The following RNF19B variants were observed in gnomAD, a reference collection of about 807,000 sequenced individuals.
RNF19B encodes the protein E3 ubiquitin-protein ligase RNF19B.
A neutral mutation model predicts 65.5 loss-of-function variants in RNF19B; 23 were observed. The ratio of observed to expected loss-of-function variants is 0.35; its 90% CI spans 0.25 to 0.50. The LOEUF (loss-of-function observed/expected upper bound fraction) is 0.50, where lower values mean the gene tolerates loss of function less well. Ranked by LOEUF, RNF19B falls within the 20% of genes least tolerant of loss-of-function variation. RNF19B has a pLI of 0.98. For missense variants in RNF19B, 794 were observed against 980.0 expected (o/e 0.81, Z 2.53); for synonymous variants, 372 against 379.6 (o/e 0.98, Z 0.23).
At chr1:32,961,584 G>A (rs916238433) in intron 1 of RNF19B, among the ~76,000 whole-genome samples, 18 of 152,088 alleles carry the variant, frequency 1.2e-4, no homozygotes, top group African/African-American at 4.3e-4. Context: ...TGAGAGGCCA[G>A]CTTTCTTCTT....
chr1:32,934,153 AG>A (rs1473417044), downstream of RNF19B, among the ~76,000 whole-genome samples: 1 of 152,212 alleles, frequency 6.6e-6, no homozygotes, highest in African/African-American at 2.4e-5. Context: ...TTCCTGTCCT[AG>A]GTGCAGGGAA....
intron 1 of RNF19B, among the ~76,000 whole-genome samples, chr1:32,951,957 GC>G (rs1423840512): frequency 7.0e-4 from 99 of 141,024 alleles, no homozygotes; most frequent in African/African-American, 2.5e-3. Flanking sequence ...ACCACGCCCG[GC>G]TTTTTTTTTT....
In RNF19B at chr1:32,964,251, G is replaced by A; in HGVS notation, c.435C>T (p.Cys145=). Residue 145 remains cysteine (C), a synonymous_variant, in exon 1 of 9, where the codon TGC becomes TGT. Transcript: ENST00000235150. The surrounding 1 kb of genome is among the most constrained non-coding windows in gnomAD (Gnocchi z 6.5). ...TCTCCAGGCGCAGGTAGTGGCGGAG[G>A]CAGTCCCGGCACGAGCGGTGCGGAC... The part of the protein sequence containing the change: ...LSCPHRSCRD[C]LRHYLRLEIS... 1.9e-6 allele frequency: 3 copies of A among 1,543,390 alleles called. No homozygotes were observed. Among genetic ancestry groups the A allele is most frequent in the Non-Finnish European group, 2.6e-6 (3 of 1,144,952 alleles).
intron 7 of RNF19B, among the ~76,000 whole-genome samples, chr1:32,939,827 T>C (rs1401860710): frequency 6.6e-6 from 1 of 152,252 alleles, no homozygotes; most frequent in African/African-American, 2.4e-5. Flanking sequence ...CTAGAACAGC[T>C]GGACTGGCTA....
intron 3 of RNF19B, among the ~76,000 whole-genome samples, chr1:32,946,968 A>G (rs1642380303): frequency 6.6e-6 from 1 of 152,198 alleles, no homozygotes; most frequent in Non-Finnish European, 1.5e-5. Flanking sequence ...TTCTTGGCAT[A>G]TGTCCTACCA....
the RNF19B span, among the ~76,000 whole-genome samples, chr1:32,929,266 G>T: frequency 6.6e-6 from 1 of 152,122 alleles, no homozygotes; most frequent in African/African-American, 2.4e-5. Context: ...TTTGTGTTCA[G>T]ATTTCCCCTT....
chr1:32,948,253 T>C lies in RNF19B; in HGVS notation c.952A>G (p.Met318Val), dbSNP rs759114944. Residue 318 changes from methionine to valine, a missense_variant, in exon 3 of 9, where the codon ATG becomes GTG. Transcript: ENST00000235150. ...TAATGCAAGTCTGAGATCTCTTTCA[T>C]ACAAAGCCAACAGAATTCACAGCCA... ...VCGCEFCWLCMKEISDLHYLS... is the reference protein window; with the variant it reads ...VCGCEFCWLCVKEISDLHYLS... 3.5e-5 allele frequency: 56 copies of C among 1,614,136 alleles called. No individual in the cohort carries two copies. Among genetic ancestry groups the C allele is most frequent in the Non-Finnish European group, 4.7e-5 (55 of 1,179,998 alleles).
rs1642102298 is a variant in RNF19B at position 32,936,573 on chromosome 1, A to C, written c.*233T>G. 9 of 452,156 alleles carry C rather than the reference A, an allele frequency of 2.0e-5. No individual in the cohort carries two copies. Among genetic ancestry groups the C allele is most frequent in the Non-Finnish European group, 3.1e-5 (8 of 255,554 alleles). 28.0% of individuals were successfully genotyped at this position (452,156 alleles called of 1,614,324 possible). On this transcript the variant is annotated 3_prime_UTR_variant, in exon 9 of 9. Coordinates refer to ENST00000235150, the MANE Select transcript of RNF19B (RefSeq NM_001300826.2). The stretch of plus-strand genomic sequence containing the variant: ...TGGATTGCTGCCATCAGTTTAACCA[A>C]TAAATTAAAACTAAAAAGAGGGAGG...
intron 1 of RNF19B, among the ~76,000 whole-genome samples, chr1:32,953,760 T>C (rs1642566761): frequency 6.6e-6 from 1 of 151,998 alleles, no homozygotes; most frequent in Non-Finnish European, 1.5e-5. Flanking sequence ...AGTTACTGGA[T>C]GACCTCAGAA....
At chr1:32,952,450 A>C (rs925438597) in intron 1 of RNF19B, among the ~76,000 whole-genome samples, 6 of 148,910 alleles carry the variant, frequency 4.0e-5, no homozygotes, top group East Asian at 1.9e-4. Context: ...AAAAAAAAAA[A>C]AAAAAAAAAC....
At chr1:32,945,880 A>G (rs900095364) in intron 4 of RNF19B, among the ~76,000 whole-genome samples, 1 of 147,998 alleles carries the variant, frequency 6.8e-6, no homozygotes, top group Non-Finnish European at 1.5e-5. Context: ...TTCTTCTTTT[A>G]TTTTTTTTTT....
chr1:32,964,422 G>C lies in RNF19B; in HGVS notation c.264C>G (p.Ala88=). 8.3e-7 allele frequency: 1 copy of C among 1,199,848 alleles called. No homozygotes were observed. Among genetic ancestry groups the C allele is most frequent in the Middle Eastern group, 3.3e-4 (1 of 2,988 alleles). 74.3% of individuals were successfully genotyped at this position (1,199,848 alleles called of 1,614,324 possible). Residue 88 remains alanine, a synonymous_variant, in exon 1 of 9, where the codon GCC becomes GCG. Coordinates refer to ENST00000235150, the MANE Select transcript of RNF19B (RefSeq NM_001300826.2). This position sits in a 1 kb window ranked among gnomAD's most constrained non-coding sequence, Gnocchi z 6.5. The part of the protein sequence containing the change: ...EALPAEPAAE[A]EAEAAAAAAE... ...CCGCCGCCGCCGCGGCCTCCGCCTC[G>C]GCCTCGGCGGCCGGCTCGGCGGGCA...
rs187865477 is a variant in RNF19B at position 32,964,569 on chromosome 1, G to A, written c.117C>T (p.Phe39=). ...RRRRLTLHSV[F]SASARGRRAR... ...CGCGGCGGCCGCGGGCCGAGGCAGA[G>A]AAGACGCTGTGCAAGGTGAGGCGCC... The change falls in exon 1 of 9, where the codon TTC becomes TTT. Residue 39 remains phenylalanine (F), a synonymous_variant. Transcript: ENST00000235150. This position sits in a 1 kb window ranked among gnomAD's most constrained non-coding sequence, Gnocchi z 6.5. The A allele has an allele frequency of 1.0e-3, 1,425 of 1,406,170 alleles. 13 individuals are homozygous for A. In the African/African-American group the frequency reaches 0.017, roughly 17 times the overall value. 87.1% of individuals were successfully genotyped at this position (1,406,170 alleles called of 1,614,324 possible).
Position 32,964,051 on chromosome 1 carries a change from C to T in RNF19B, c.635G>A (p.Gly212Asp). ...ACCCGCGCCACGCCCCCGCGCTCAC[C>T]CGCAGTCCGGGGCCGGGCACCAGCG... ...DCRWCPAPDCGYAVIAYGCAS... is the reference protein window; with the variant it reads ...DCRWCPAPDCDYAVIAYGCAS... The change falls in exon 1 of 9, where the codon GGT (glycine) becomes GAT (aspartate). Residue 212 changes from glycine to aspartate, a missense_variant and splice_region_variant. Gly to Asp is a moderately conservative substitution (Grantham distance 94, BLOSUM62 -1). Coordinates refer to ENST00000235150, the MANE Select transcript of RNF19B (RefSeq NM_001300826.2). The surrounding 1 kb of genome is among the most constrained non-coding windows in gnomAD (Gnocchi z 6.5). 2.0e-6 allele frequency: 3 copies of T among 1,490,288 alleles called. No homozygotes were observed. The highest frequency in any genetic ancestry group is 2.7e-6 in the Non-Finnish European group (3 of 1,121,140). 92.3% of individuals were successfully genotyped at this position (1,490,288 alleles called of 1,614,324 possible). A position where few individuals can be genotyped will look rare whatever the true frequency, so the allele number is the denominator to read the frequency against.
intron 2 of RNF19B, 116 bp from the exon 3 acceptor site, chr1:32,948,479 T>A: frequency 9.3e-7 from 1 of 1,080,738 alleles, no homozygotes; most frequent in Non-Finnish European, 1.3e-6. Context: ...AACTCTTCAC[T>A]GAACACTCCA....
intron 7 of RNF19B, among the ~76,000 whole-genome samples, chr1:32,941,004 C>CT (rs1642217642): frequency 6.6e-6 from 1 of 152,152 alleles, no homozygotes; most frequent in East Asian, 1.9e-4. Flanking sequence ...GGGAGGATGG[C>CT]TTCAGGCCAG....
At chr1:32,929,092 T>C in the RNF19B span, among the ~76,000 whole-genome samples, 1 of 152,284 alleles carries the variant, frequency 6.6e-6, no homozygotes, top group Non-Finnish European at 1.5e-5. Context: ...AAGTCCTAGA[T>C]TTTGGCAGAA....
At chr1:32,933,636 G>A (rs1044894508), downstream of RNF19B, among the ~76,000 whole-genome samples, 2 of 152,136 alleles carry the variant, frequency 1.3e-5, no homozygotes, top group East Asian at 1.9e-4. Flanking sequence ...CTAAAGTGTC[G>A]CTAAGGATTA....
intron 7 of RNF19B, among the ~76,000 whole-genome samples, chr1:32,941,483 C>T (rs145236724): frequency 0.068 from 10,284 of 151,862 alleles, 502 homozygotes; most frequent in Admixed American, 0.14. Flanking sequence ...GAGGCTGCAG[C>T]GAGCCAAGAT....
Sources: gnomAD v4.1 joint callset for allele counts (sites outside exome capture counted in the v4.1 genomes callset) on GRCh38, gnomAD v4.1.1 for gene constraint, Gnocchi (gnomAD v3.1) non-coding constraint, MANE v1.5 for transcripts, NCBI Gene and HGNC (gene_info 2026-07-23, HGNC 2026-07-21) for gene names.